The following LINGO2 variants were observed in gnomAD, a reference collection of about 807,000 sequenced individuals.
LINGO2 encodes leucine rich repeat and Ig domain containing 2.
A neutral mutation model predicts 30.6 loss-of-function variants in LINGO2; 14 were observed. The observed-to-expected ratio is 0.46, with a 90% CI of 0.30 to 0.72. LINGO2 has a LOEUF of 0.72. Among genes scored for constraint, LINGO2 ranks in the 30% least tolerant of loss-of-function variants. The pLI, the probability that LINGO2 is intolerant of heterozygous loss-of-function variation, is 0.07. For synonymous variants in LINGO2, 317 were observed against 288.5 expected (o/e 1.10, Z -1.00); for missense variants, 729 against 751.7 (o/e 0.97, Z 0.35).
the LINGO2 span, among the ~76,000 whole-genome samples, chr9:28,714,399 G>A: frequency 6.6e-6 from 1 of 151,838 alleles, no homozygotes; most frequent in Non-Finnish European, 1.5e-5. Context: ...GTTGAAGCCA[G>A]AGATTTTGCA....
the LINGO2 span, among the ~76,000 whole-genome samples, chr9:29,018,450 C>T: frequency 3.3e-5 from 5 of 151,846 alleles, no homozygotes; most frequent in African/African-American, 1.2e-4. Context: ...CCCTATAATC[C>T]TTAATACAAT....
chr9:28,776,464 G>A, the LINGO2 span, among the ~76,000 whole-genome samples: 2 of 152,232 alleles, frequency 1.3e-5, no homozygotes, highest in East Asian at 3.9e-4. Context: ...AACTAACAAT[G>A]CAGAAAGTTT....
intron 2 of LINGO2, among the ~76,000 whole-genome samples, chr9:28,383,551 T>C (rs958356458): frequency 1.3e-5 from 2 of 151,864 alleles, no homozygotes; most frequent in African/African-American, 4.8e-5. Flanking sequence ...AAGGAAGCAG[T>C]CCATACAGAG....
chr9:28,529,643 T>C (rs553221532), intron 1 of LINGO2, among the ~76,000 whole-genome samples: 40 of 150,886 alleles, frequency 2.7e-4, no homozygotes, highest in African/African-American at 9.3e-4. Context: ...CTATTTTAGC[T>C]ACTGGGTTTA....
intron 1 of LINGO2, among the ~76,000 whole-genome samples, chr9:28,653,816 A>G (rs907168162): frequency 1.3e-5 from 2 of 152,100 alleles, no homozygotes; most frequent in Non-Finnish European, 2.9e-5. Context: ...GGCACATGAC[A>G]CACCCATTTG....
chr9:27,944,106 C>A (rs967627045), downstream of LINGO2: 1 of 152,052 alleles, frequency 6.6e-6, no homozygotes, highest in Non-Finnish European at 1.5e-5. Flanking sequence ...TATCCTAGAC[C>A]ATTTGTTAAA....
intron 2 of LINGO2, among the ~76,000 whole-genome samples, chr9:28,469,292 A>G (rs1825430478): frequency 6.6e-6 from 1 of 152,066 alleles, no homozygotes; most frequent in Non-Finnish European, 1.5e-5. Context: ...AGAGTAAAGA[A>G]AAGTGAACAG....
chr9:28,910,199 C>CTTTTCTTAATGTA, the LINGO2 span, among the ~76,000 whole-genome samples: 2 of 151,970 alleles, frequency 1.3e-5, no homozygotes, highest in African/African-American at 2.4e-5. Context: ...ATACATTTAT[C>CTTTTCTTAATGTA]TCTTTTCTTA....
At chr9:29,082,909 C>A in the LINGO2 span, among the ~76,000 whole-genome samples, 1 of 151,948 alleles carries the variant, frequency 6.6e-6, no homozygotes, top group South Asian at 2.1e-4. Flanking sequence ...GTTAGAATGG[C>A]GATCATTAAA....
the LINGO2 span, among the ~76,000 whole-genome samples, chr9:28,769,683 T>C: frequency 6.8e-6 from 1 of 147,172 alleles, no homozygotes; most frequent in Middle Eastern, 3.2e-3. Context: ...TTCAGGAACT[T>C]TTTTTTTTTA....
intron 4 of LINGO2, among the ~76,000 whole-genome samples, chr9:28,203,227 A>G (rs1041886174): frequency 1.5e-4 from 23 of 152,168 alleles, no homozygotes; most frequent in African/African-American, 4.1e-4. Flanking sequence ...CACTGTGTCA[A>G]TGTGTTACAT....
At chr9:28,193,463 T>C (rs1363843296) in intron 4 of LINGO2, among the ~76,000 whole-genome samples, 2 of 152,104 alleles carry the variant, frequency 1.3e-5, no homozygotes, top group South Asian at 2.1e-4. Context: ...CATGCCAAAA[T>C]TGGACAGTAA....
chr9:28,312,435 G>T (rs1245185276), intron 3 of LINGO2, among the ~76,000 whole-genome samples: 1 of 151,568 alleles, frequency 6.6e-6, no homozygotes, highest in African/African-American at 2.4e-5. Context: ...AAATTTTCAG[G>T]AAAAAATCAC....
At chr9:28,943,665 C>T in the LINGO2 span, among the ~76,000 whole-genome samples, 9 of 150,554 alleles carry the variant, frequency 6.0e-5, no homozygotes, top group African/African-American at 2.0e-4. Context: ...AAGGTAAGTG[C>T]TGTAGCAAAA....
At chr9:28,844,835 G>T in the LINGO2 span, among the ~76,000 whole-genome samples, 2 of 151,824 alleles carry the variant, frequency 1.3e-5, no homozygotes, top group Non-Finnish European at 2.9e-5. Context: ...GCTGAAACAT[G>T]CATTATTATA....
At chr9:29,051,826 G>A in the LINGO2 span, among the ~76,000 whole-genome samples, 3 of 152,046 alleles carry the variant, frequency 2.0e-5, no homozygotes, top group Admixed American at 6.6e-5. Context: ...TTGTGAGCTC[G>A]ATTTACTGGA....
At chr9:28,338,324 C>T (rs923971707) in intron 3 of LINGO2, among the ~76,000 whole-genome samples, 4 of 152,158 alleles carry the variant, frequency 2.6e-5, no homozygotes, top group African/African-American at 9.7e-5. Context: ...ATCCCTGTAA[C>T]CCCATAATAT....
chr9:28,732,936 C>A, the LINGO2 span, among the ~76,000 whole-genome samples: 7 of 152,182 alleles, frequency 4.6e-5, no homozygotes, highest in Non-Finnish European at 5.9e-5. Context: ...TGGAGCCCAG[C>A]AAGGGCCAAC....
chr9:29,017,236 A>G, the LINGO2 span, among the ~76,000 whole-genome samples: 114 of 152,196 alleles, frequency 7.5e-4, 1 homozygote, highest in Non-Finnish European at 1.3e-3. Context: ...ATACAAATAA[A>G]TGTATAAAAA....
Sources: gnomAD v4.1 joint callset for allele counts (sites outside exome capture counted in the v4.1 genomes callset) on GRCh38, gnomAD v4.1.1 for gene constraint, MANE v1.5 for transcripts, NCBI Gene and HGNC (gene_info 2026-07-23, HGNC 2026-07-21) for gene names.